Variants in MAPK1IP1L observed in about 807,000 individuals in gnomAD.
The protein encoded by MAPK1IP1L is mitogen-activated protein kinase 1 interacting protein 1 like.
Under a neutral mutation model 18.1 loss-of-function variants are expected in MAPK1IP1L, and 10 were observed. The ratio of observed to expected loss-of-function variants is 0.55; its 90% confidence interval spans 0.34 to 0.94. MAPK1IP1L has a LOEUF of 0.94. Among genes scored for constraint, MAPK1IP1L ranks in the 40% least tolerant of loss-of-function variants. MAPK1IP1L has a pLI of 0.02. For missense variants in MAPK1IP1L, 260 were observed against 318.2 expected (o/e 0.82, Z 1.39); for synonymous variants, 115 against 117.3 (o/e 0.98, Z 0.13).
chr14:55,061,262 A>G (rs115577949), intron 1 of MAPK1IP1L, among the ~76,000 whole-genome samples: 1,977 of 152,332 alleles, frequency 0.013, 42 homozygotes, highest in Middle Eastern at 0.054. Context: ...GGAGTTAGAG[A>G]AATGAGTGTA....
At chr14:55,061,035 G>A (rs1317826421) in intron 1 of MAPK1IP1L, among the ~76,000 whole-genome samples, 3 of 151,930 alleles carry the variant, frequency 2.0e-5, no homozygotes, top group African/African-American at 7.3e-5. Flanking sequence ...CTGTAGTACC[G>A]GCTATTAGGG....
intron 1 of MAPK1IP1L, 117 bp from the exon 2 acceptor site, chr14:55,061,563 G>C: frequency 1.4e-6 from 1 of 695,142 alleles, no homozygotes; most frequent in South Asian, 1.8e-5. Context: ...ACATAAATAA[G>C]ATTCCGCTTA....
rs1210501659 is a variant in MAPK1IP1L, at chr14:55,062,941, G to A, written c.342G>A (p.Gly114=). ...CTGTGCCGGGCCCTGGCCCCACAGG[G>A]CCATATCCTACACCAAATATGCCCT... ...APTVPGPGPT[G]PYPTPNMPFP... The change falls in exon 3 of 4, where the codon GGG becomes GGA. Residue 114 remains glycine, a synonymous_variant. Transcript: ENST00000395468. 1.2e-6 allele frequency: 2 copies of A among 1,613,842 alleles called. No homozygotes were observed. The highest frequency in any genetic ancestry group is 2.2e-5 in the East Asian group (1 of 44,846).
At position 55,066,901 on chromosome 14, in the gene MAPK1IP1L, T is replaced by G; in HGVS notation, c.*2274T>G. The G allele has an allele frequency of 2.6e-5, 1 of 38,380 alleles. No individual in the cohort carries two copies. The highest frequency in any genetic ancestry group is 3.3e-4 in the African/African-American group (1 of 3,062). The allele number at this position is 38,380 out of a possible 1,614,324, so 2.4% of individuals were successfully genotyped here. On this transcript the variant is annotated 3_prime_UTR_variant, in exon 4 of 4. Transcript: ENST00000395468. Reference sequence around the variant, plus strand: ...CTTTGCAACTGGTATTTGGGGGAGATTTTTTTTTTTTTTTGAGACGGAGTC... The same window carrying G: ...CTTTGCAACTGGTATTTGGGGGAGAGTTTTTTTTTTTTTTGAGACGGAGTC...
rs747475016 is a variant in MAPK1IP1L, at chr14:55,065,403, G to T, written c.*776G>T. On this transcript the variant is annotated 3_prime_UTR_variant, in exon 4 of 4. Coordinates refer to ENST00000395468, the MANE Select transcript of MAPK1IP1L (RefSeq NM_144578.4). Reference sequence around the variant, plus strand: ...ATTATGAGATGTGCATATTGCTTTGGGAAGAGCTCGAGGAAGGAAATAATT... The same window carrying T: ...ATTATGAGATGTGCATATTGCTTTGTGAAGAGCTCGAGGAAGGAAATAATT... The T allele has an allele frequency of 5.3e-5, 8 of 152,030 alleles. No individual in the cohort carries two copies. The highest frequency in any genetic ancestry group is 5.9e-5 in the Non-Finnish European group (4 of 68,008). The allele number at this position is 152,030 out of a possible 1,614,324, so 9.4% of individuals were successfully genotyped here.
At chr14:55,055,602 C>T (rs944261813) in intron 1 of MAPK1IP1L, among the ~76,000 whole-genome samples, 1 of 152,140 alleles carries the variant, frequency 6.6e-6, no homozygotes. Context: ...GGCAAACTTT[C>T]ATTTTGCTAC....
rs753526517 is a variant in MAPK1IP1L, at chr14:55,063,128, C to T, written c.529C>T (p.Pro177Ser). 3.7e-6 allele frequency: 6 copies of T among 1,613,754 alleles called. No homozygotes were observed. In the Admixed American group the frequency reaches 8.3e-5, roughly 22 times the overall value. The change falls in exon 3 of 4, where the codon CCT becomes TCT. Residue 177 changes from proline to serine, a missense_variant. Pro to Ser is a moderately conservative substitution (Grantham distance 74, BLOSUM62 -1). Transcript: ENST00000395468. ...PYPSPGPYPA[P>S]PPPQAPGAAP... ...TCCATCTCCAGGCCCATATCCCGCT[C>T]CTCCTCCTCCCCAAGCCCCTGGGGC...
In MAPK1IP1L at chr14:55,069,822, C is replaced by G. The variant is rs1207629171; in HGVS notation, c.*5195C>G. ...ATCCGTATATATGATAATATGAAGT[C>G]AGGGAACTTTCTCTGTCTGTCCCTA... is the stretch of plus-strand genomic sequence containing the variant. On this transcript the variant is annotated 3_prime_UTR_variant, in exon 4 of 4. Transcript: ENST00000395468. The G allele has an allele frequency of 2.6e-5, 4 of 152,180 alleles. No homozygotes were observed. Among genetic ancestry groups the G allele is most frequent in the African/African-American group, 9.6e-5 (4 of 41,452 alleles). The allele number at this position is 152,180 out of a possible 1,614,324, so 9.4% of individuals were successfully genotyped here.
chr14:55,069,238 A>AT lies in MAPK1IP1L; in HGVS notation c.*4616dup, dbSNP rs1205727157. The AT allele has an allele frequency of 1.3e-5, 2 of 152,442 alleles. No individual in the cohort carries two copies. Among genetic ancestry groups the AT allele is most frequent in the Admixed American group, 6.6e-5 (1 of 15,250 alleles). 9.4% of individuals were successfully genotyped at this position (152,442 alleles called of 1,614,324 possible). On this transcript the variant is annotated 3_prime_UTR_variant, in exon 4 of 4. Transcript: ENST00000395468. The stretch of plus-strand genomic sequence containing the variant: ...TTGTAATTTTCTTCTTGAAATTGTG[A>AT]TTTTTCACTGACAGTAATGACAAAT...
At chr14:55,060,663 T>C (rs575823014) in intron 1 of MAPK1IP1L, 3 of 152,314 alleles carry the variant, frequency 2.0e-5, no homozygotes, top group South Asian at 4.1e-4. Flanking sequence ...AGGTAGTTGA[T>C]TGGAAAAGAG....
At chr14:55,056,543 A>T (rs551155223) in intron 1 of MAPK1IP1L, among the ~76,000 whole-genome samples, 5 of 152,152 alleles carry the variant, frequency 3.3e-5, no homozygotes, top group South Asian at 4.2e-4. Context: ...CGGAGTTTGC[A>T]CTGTCACCCA....
intron 1 of MAPK1IP1L, among the ~76,000 whole-genome samples, chr14:55,054,129 A>G (rs1476860353): frequency 6.6e-6 from 1 of 151,738 alleles, no homozygotes; most frequent in Non-Finnish European, 1.5e-5. Flanking sequence ...CAGATAAATG[A>G]GCCAATACTA....
At chr14:55,060,940 C>T (rs778782026) in intron 1 of MAPK1IP1L, among the ~76,000 whole-genome samples, 4 of 152,004 alleles carry the variant, frequency 2.6e-5, no homozygotes, top group South Asian at 2.1e-4. Flanking sequence ...AGTTTGAGAC[C>T]GGGTCTGGGC....
chr14:55,061,333 T>C (rs1176188637), intron 1 of MAPK1IP1L, among the ~76,000 whole-genome samples: 1 of 152,342 alleles, frequency 6.6e-6, no homozygotes, highest in Admixed American at 6.5e-5. Context: ...CTAAATTCCA[T>C]GTCCAGTGCT....
chr14:55,064,498 A>G (rs1053868386), intron 3 of MAPK1IP1L, 118 bp from the exon 4 acceptor site: 2 of 804,816 alleles, frequency 2.5e-6, no homozygotes, highest in Non-Finnish European at 2.1e-6. Context: ...GCCAGAGTAA[A>G]TGATGTGACT....
chr14:55,063,078 A>G lies in MAPK1IP1L; in HGVS notation c.479A>G (p.Gln160Arg). 6.2e-7 allele frequency: 1 copy of G among 1,613,378 alleles called. No individual in the cohort carries two copies. The highest frequency in any genetic ancestry group is 8.5e-7 in the Non-Finnish European group (1 of 1,179,942). The change falls in exon 3 of 4, where the codon CAG (glutamine) becomes CGG (arginine). Residue 160 changes from glutamine (Q) to arginine (R), a missense_variant. Gln to Arg is a conservative substitution (Grantham distance 43). Transcript: ENST00000395468. Reference protein sequence around the residue: ...SGPWAPGMGGQYPTPNMPYPS... With the variant: ...SGPWAPGMGGRYPTPNMPYPS... ...CCTTGGGCGCCAGGAATGGGAGGGCAGTATCCTACCCCTAATATGCCATAT... is the reference window on the plus strand; with the variant it reads ...CCTTGGGCGCCAGGAATGGGAGGGCGGTATCCTACCCCTAATATGCCATAT...
In MAPK1IP1L at chr14:55,064,488, G is replaced by A. The variant is rs935608326; in HGVS notation, c.727-128G>A. 8.2e-6 allele frequency: 6 copies of A among 729,220 alleles called. No individual in the cohort carries two copies. In the African/African-American group the frequency reaches 1.1e-4, roughly 13 times the overall value. 45.2% of individuals were successfully genotyped at this position (729,220 alleles called of 1,614,324 possible). On this transcript the variant is annotated intron_variant, in intron 3 of 3. Transcript: ENST00000395468. ...AAAATATTTGTTTTGCAAAGTGTAT[G>A]CCAGAGTAAATGATGTGACTTGCTG...
intron 1 of MAPK1IP1L, among the ~76,000 whole-genome samples, chr14:55,060,116 C>T (rs963074170): frequency 6.7e-6 from 1 of 148,574 alleles, no homozygotes; most frequent in African/African-American, 2.5e-5. Flanking sequence ...CAAAATATGC[C>T]CTTTAAGAGA....
chr14:55,052,317 C>A (rs190693810), intron 1 of MAPK1IP1L, among the ~76,000 whole-genome samples: 44 of 152,272 alleles, frequency 2.9e-4, no homozygotes, highest in Non-Finnish European at 1.9e-4. Flanking sequence ...AAGATTCTTA[C>A]AAGAGTCTCG....
Sources: gnomAD v4.1 joint callset for allele counts (sites outside exome capture counted in the v4.1 genomes callset) on GRCh38, gnomAD v4.1.1 for gene constraint, MANE v1.5 for transcripts, NCBI Gene and HGNC (gene_info 2026-07-23, HGNC 2026-07-21) for gene names.